The following AGBL4 variants were observed in gnomAD, a reference collection of about 807,000 sequenced individuals.
The protein encoded by AGBL4 is AGBL carboxypeptidase 4.
In AGBL4, 58 loss-of-function variants were observed where a neutral mutation model predicts 66.4. The ratio of observed to expected loss-of-function variants is 0.87; its 90% confidence interval spans 0.71 to 1.09. The LOEUF is 1.09. AGBL4 is among the 50% of genes least tolerant of loss of function. The probability of loss-of-function intolerance (pLI) is 0.00; values close to 1 mark genes in which losing one functional copy is unlikely to be tolerated. For missense variants in AGBL4, 579 were observed against 631.0 expected (o/e 0.92, Z 0.88); for synonymous variants, 234 against 222.9 (o/e 1.05, Z -0.44).
chr1:49,965,252 T>C (rs1571973347), intron 1 of AGBL4, among the ~76,000 whole-genome samples: 1 of 152,310 alleles, frequency 6.6e-6, no homozygotes, highest in African/African-American at 2.4e-5. Context: ...CCCCATGTAC[T>C]TATGTAATTA....
intron 4 of AGBL4, among the ~76,000 whole-genome samples, chr1:49,091,739 T>C (rs1328647977): frequency 6.6e-6 from 1 of 152,120 alleles, no homozygotes; most frequent in African/African-American, 2.4e-5. Flanking sequence ...CATATGTTTA[T>C]CTCAGCGCTA....
chr1:49,488,191 GT>G (rs1228242858), intron 3 of AGBL4, among the ~76,000 whole-genome samples: 1 of 151,632 alleles, frequency 6.6e-6, no homozygotes, highest in Non-Finnish European at 1.5e-5. Context: ...AAATTGTAAA[GT>G]TTTTCGTATA....
intron 4 of AGBL4, among the ~76,000 whole-genome samples, chr1:49,097,354 T>A (rs1454837187): frequency 3.3e-5 from 5 of 152,236 alleles, no homozygotes; most frequent in Non-Finnish European, 7.3e-5. Context: ...GCTTCTGAGA[T>A]AATGGTGACA....
At chr1:48,621,640 T>G (rs1479013518) in intron 9 of AGBL4, among the ~76,000 whole-genome samples, 4 of 152,204 alleles carry the variant, frequency 2.6e-5, no homozygotes, top group Admixed American at 6.5e-5. Context: ...ATATAATACA[T>G]AAGCAACTTT....
intron 3 of AGBL4, among the ~76,000 whole-genome samples, chr1:49,615,570 C>T (rs1157458781): frequency 6.6e-6 from 1 of 151,948 alleles, no homozygotes; most frequent in African/African-American, 2.4e-5. Flanking sequence ...GAGAACTCTG[C>T]CAAATAATCT....
intron 3 of AGBL4, among the ~76,000 whole-genome samples, chr1:49,575,432 C>T (rs1417470272): frequency 6.6e-6 from 1 of 152,152 alleles, no homozygotes; most frequent in Non-Finnish European, 1.5e-5. Flanking sequence ...AAATGGAAGC[C>T]ATTAGAGCTG....
chr1:48,659,888 A>T (rs530485205), intron 7 of AGBL4, among the ~76,000 whole-genome samples: 1 of 152,234 alleles, frequency 6.6e-6, no homozygotes, highest in Non-Finnish European at 1.5e-5. Flanking sequence ...ATGGATATGA[A>T]CTGTGTCAGT....
chr1:48,705,511 T>C (rs1646869004), intron 6 of AGBL4, among the ~76,000 whole-genome samples: 1 of 152,202 alleles, frequency 6.6e-6, no homozygotes, highest in Admixed American at 6.5e-5. Context: ...CCAATAAACA[T>C]ATGAGGCAGA....
At chr1:49,873,909 C>T (rs1182884814) in intron 1 of AGBL4, among the ~76,000 whole-genome samples, 1 of 151,900 alleles carries the variant, frequency 6.6e-6, no homozygotes, top group African/African-American at 2.4e-5. Flanking sequence ...TATATGGGAA[C>T]TCAAAGGACC....
At chr1:49,283,982 AG>A (rs1409148264) in intron 3 of AGBL4, among the ~76,000 whole-genome samples, 2 of 149,158 alleles carry the variant, frequency 1.3e-5, no homozygotes, top group Non-Finnish European at 3.0e-5. Context: ...CAATCTAGCA[AG>A]GCAGGCCAAC....
chr1:48,832,234 C>G (rs1646570217), intron 6 of AGBL4, among the ~76,000 whole-genome samples: 1 of 152,158 alleles, frequency 6.6e-6, no homozygotes, highest in Non-Finnish European at 1.5e-5. Flanking sequence ...GGAGCTGCAT[C>G]CGCTCACTGG....
intron 11 of AGBL4, among the ~76,000 whole-genome samples, chr1:48,551,890 G>A (rs1644253941): frequency 6.6e-6 from 1 of 152,058 alleles, no homozygotes; most frequent in East Asian, 1.9e-4. Flanking sequence ...CCCTAATGGG[G>A]TCTTTTGAAG....
intron 3 of AGBL4, among the ~76,000 whole-genome samples, chr1:49,300,532 A>C (rs1644726197): frequency 6.6e-6 from 1 of 152,192 alleles, no homozygotes. Context: ...GGTTCCCTGA[A>C]CAGGAGACCC....
intron 10 of AGBL4, among the ~76,000 whole-genome samples, chr1:48,589,246 T>C (rs1644876317): frequency 6.6e-6 from 1 of 152,222 alleles, no homozygotes; most frequent in African/African-American, 2.4e-5. Flanking sequence ...GGCCACTCTT[T>C]ACTCTCAGGT....
At chr1:48,871,143 T>C (rs1648613234) in intron 5 of AGBL4, among the ~76,000 whole-genome samples, 1 of 152,076 alleles carries the variant, frequency 6.6e-6, no homozygotes, top group African/African-American at 2.4e-5. Context: ...GAGGGGCATG[T>C]TGGACATAAA....
At chr1:48,931,059 A>G (rs1654996684) in intron 5 of AGBL4, among the ~76,000 whole-genome samples, 1 of 152,218 alleles carries the variant, frequency 6.6e-6, no homozygotes. Flanking sequence ...TATGATAACA[A>G]AATTGAGCCC....
At chr1:49,978,399 G>A (rs1420296850) in intron 1 of AGBL4, among the ~76,000 whole-genome samples, 1 of 152,162 alleles carries the variant, frequency 6.6e-6, no homozygotes, top group Non-Finnish European at 1.5e-5. Flanking sequence ...AGCTCTGACT[G>A]TGCCACTGCC....
At chr1:49,866,780 C>G (rs936874220) in intron 1 of AGBL4, among the ~76,000 whole-genome samples, 1 of 151,868 alleles carries the variant, frequency 6.6e-6, no homozygotes, top group Non-Finnish European at 1.5e-5. Flanking sequence ...AAAAAAAAGA[C>G]TTTCCAACCA....
intron 3 of AGBL4, among the ~76,000 whole-genome samples, chr1:49,433,012 A>G (rs1048206038): frequency 3.3e-5 from 5 of 152,108 alleles, no homozygotes; most frequent in African/African-American, 1.2e-4. Context: ...CCTCCAAAAA[A>G]CCCAAAGGGA....
Sources: allele counts gnomAD v4.1 joint callset (sites outside exome capture counted in the v4.1 genomes callset), GRCh38; gene constraint gnomAD v4.1.1; transcripts MANE v1.5; gene names NCBI Gene and HGNC (gene_info 2026-07-23, HGNC 2026-07-21).